The following AGAP1 variants were observed in gnomAD, a reference collection of about 807,000 sequenced individuals.
AGAP1 encodes the protein ArfGAP with GTPase domain, ankyrin repeat and PH domain 1.
In AGAP1, 29 loss-of-function variants were observed where a neutral mutation model predicts 105.3. The ratio of observed to expected loss-of-function variants is 0.28; its 90% CI spans 0.21 to 0.38. The LOEUF is 0.38. Among genes scored for constraint, AGAP1 ranks in the 10% least tolerant of loss-of-function variants. The probability of loss-of-function intolerance (pLI) is 1.00; values close to 1 mark genes in which losing one functional copy is unlikely to be tolerated. For synonymous variants in AGAP1, 509 were observed against 485.9 expected, an observed-to-expected ratio of 1.05 and a Z score of -0.63; for missense variants, 998 against 1,165.1, an observed-to-expected ratio of 0.86 and a Z score of 2.09.
At position 235,728,452 on chromosome 2, in the gene AGAP1, A is replaced by G. The variant is rs1311219477; in HGVS notation, c.310+10808A>G. Among the ~76,000 whole-genome samples, 1 of 152,150 alleles carries G rather than the reference A, an allele frequency of 6.6e-6. No individual in the cohort carries two copies. Among genetic ancestry groups the G allele is most frequent in the East Asian group, 1.9e-4 (1 of 5,176 alleles). On this transcript the variant is annotated intron_variant, in intron 3 of 17. Coordinates refer to ENST00000304032, the MANE Select transcript of AGAP1 (RefSeq NM_001037131.3). The surrounding 1 kb of genome is among the most constrained non-coding windows in gnomAD (Gnocchi z 4.3). ...CATGAATGATTGACCCAGACCAGAAATGGAAACCTGATTCAACTCACAGTG... is the reference window on the plus strand; with the variant it reads ...CATGAATGATTGACCCAGACCAGAAGTGGAAACCTGATTCAACTCACAGTG...
At position 235,517,919 on chromosome 2, in the gene AGAP1, T is replaced by G. The variant is rs1574743703; in HGVS notation, c.163+23070T>G. Among the ~76,000 whole-genome samples, 6 of 124,076 alleles carry G rather than the reference T, an allele frequency of 4.8e-5. No individual in the cohort carries two copies. The highest frequency in any genetic ancestry group is 9.8e-5 in the Admixed American group (1 of 10,242). The allele number at this position is 124,076 out of a possible 152,430, so 81.4% of individuals were successfully genotyped here. On this transcript the variant is annotated intron_variant, in intron 1 of 17. Coordinates refer to ENST00000304032, the MANE Select transcript of AGAP1 (RefSeq NM_001037131.3). The surrounding 1 kb of genome is among the most constrained non-coding windows in gnomAD (Gnocchi z 4.1). ...CTGCACTCCAGCCTGGGTGACAGAG[T>G]GAGACTCCGTTTCAAAAAAAAAAAA... is the stretch of plus-strand genomic sequence containing the variant.
rs113621223 is a variant in AGAP1 at position 236,099,181 on chromosome 2, G to A, written c.2115-21011G>A. Among the ~76,000 whole-genome samples, 11 of 152,084 alleles carry A rather than the reference G, an allele frequency of 7.2e-5. 1 individual carries two copies. Among genetic ancestry groups the A allele is most frequent in the African/African-American group, 1.9e-4 (8 of 41,498 alleles). ...AAATAGGGTGCTTGGGGCCAGGTGC[G>A]GTGGCTCACGCCTGTAATCCCAGCA... On this transcript the variant is annotated intron_variant, in intron 16 of 17. Transcript: ENST00000304032.
chr2:235,908,956 G>A lies in AGAP1; in HGVS notation c.1324+50G>A. The A allele has an allele frequency of 1.9e-6, 3 of 1,563,084 alleles. No individual in the cohort carries two copies. The highest frequency in any genetic ancestry group is 2.6e-6 in the Non-Finnish European group (3 of 1,141,398). On this transcript the variant is annotated intron_variant, in intron 11 of 17. Transcript: ENST00000304032. The surrounding 1 kb of genome is among the most constrained non-coding windows in gnomAD (Gnocchi z 4.4). The stretch of plus-strand genomic sequence containing the variant: ...CAAATCAAGTTCAACAGCAACAGGT[G>A]GTCCAGGCTCGAGGATAATGTTGGA...
rs757044393 is a variant in AGAP1 at position 235,700,629 on chromosome 2, G to A, written c.164-8550G>A. Among the ~76,000 whole-genome samples the A allele has an allele frequency of 5.9e-5, 9 of 152,098 alleles. No homozygotes were observed. Among genetic ancestry groups the A allele is most frequent in the Non-Finnish European group, 1.2e-4 (8 of 68,002 alleles). ...AGCCTGGGGAACATGGCGAAACCCC[G>A]TCTCTACTGAAAATACAAAAATTAG... is the stretch of plus-strand genomic sequence containing the variant. On this transcript the variant is annotated intron_variant, in intron 1 of 17. Coordinates refer to ENST00000304032, the MANE Select transcript of AGAP1 (RefSeq NM_001037131.3). This position sits in a 1 kb window ranked among gnomAD's most constrained non-coding sequence, Gnocchi z 6.1.
In AGAP1 at chr2:236,001,117, A is replaced by G. The variant is rs541761942; in HGVS notation, c.1645+32494A>G. 1.5e-3 allele frequency among the ~76,000 whole-genome samples: 234 copies of G among 152,258 alleles called. 1 individual carries two copies. Among genetic ancestry groups the G allele is most frequent in the South Asian group, 2.5e-3 (12 of 4,828 alleles). Reference sequence around the variant, plus strand: ...GGATGGACCCTCAGAGGCGAGACGGACGTACAGGAAACACCACATGGAGAC... The same window carrying G: ...GGATGGACCCTCAGAGGCGAGACGGGCGTACAGGAAACACCACATGGAGAC... On this transcript the variant is annotated intron_variant, in intron 13 of 17. Transcript: ENST00000304032. The surrounding 1 kb of genome is among the most constrained non-coding windows in gnomAD (Gnocchi z 4.7).
At chr2:235,576,456 C>T (rs1017522448) in intron 1 of AGAP1, among the ~76,000 whole-genome samples, 1 of 152,172 alleles carries the variant, frequency 6.6e-6, no homozygotes, top group Admixed American at 6.5e-5. Flanking sequence ...ATATTCTGGT[C>T]ACCAGGCAGG....
chr2:235,526,904 A>G (rs902732428), intron 1 of AGAP1, among the ~76,000 whole-genome samples: 5 of 152,212 alleles, frequency 3.3e-5, no homozygotes, highest in Non-Finnish European at 5.9e-5. Flanking sequence ...CCACAGATGG[A>G]ATGAAATAGT....
rs1262748785 is a variant in AGAP1 at position 235,919,853 on chromosome 2, C to T, written c.1325-10912C>T. On this transcript the variant is annotated intron_variant, in intron 11 of 17. Coordinates refer to ENST00000304032, the MANE Select transcript of AGAP1 (RefSeq NM_001037131.3). The surrounding 1 kb of genome is among the most constrained non-coding windows in gnomAD (Gnocchi z 4.1). ...TCTTCACAATGCTTACACCCCTCATCCTCGCTGTTGCATCAGCTTGTCCAT... is the reference window on the plus strand; with the variant it reads ...TCTTCACAATGCTTACACCCCTCATTCTCGCTGTTGCATCAGCTTGTCCAT... Among the ~76,000 whole-genome samples the T allele has an allele frequency of 6.6e-6, 1 of 152,198 alleles. No homozygotes were observed. The highest frequency in any genetic ancestry group is 2.4e-5 in the African/African-American group (1 of 41,454).
intron 10 of AGAP1, among the ~76,000 whole-genome samples, chr2:235,884,137 C>T (rs1372867175): frequency 1.3e-5 from 2 of 152,196 alleles, no homozygotes; most frequent in African/African-American, 2.4e-5. Flanking sequence ...CATTCCATAA[C>T]TCTTACTTGA....
chr2:235,735,886 G>A (rs1245086620), intron 3 of AGAP1, among the ~76,000 whole-genome samples: 1 of 152,004 alleles, frequency 6.6e-6, no homozygotes, highest in Non-Finnish European at 1.5e-5. Flanking sequence ...ACAAGAAGAT[G>A]GGACCGCTGT....
chr2:235,880,387 C>G (rs142259640), intron 9 of AGAP1, among the ~76,000 whole-genome samples: 174 of 152,110 alleles, frequency 1.1e-3, no homozygotes, highest in Admixed American at 2.4e-3. Context: ...AAGCCTGGAG[C>G]ATCTGTAATC....
rs893005593 is a variant in AGAP1 at position 235,747,470 on chromosome 2, G to A, written c.538+2631G>A. 2.0e-4 allele frequency among the ~76,000 whole-genome samples: 31 copies of A among 151,828 alleles called. No homozygotes were observed. The highest frequency in any genetic ancestry group is 3.1e-4 in the Non-Finnish European group (21 of 67,990). On this transcript the variant is annotated intron_variant, in intron 5 of 17. Transcript: ENST00000304032. The surrounding 1 kb of genome is among the most constrained non-coding windows in gnomAD (Gnocchi z 5.0). ...GGGTGAACAGGTAAGCTGGCCCCAC[G>A]CCCTCCCGGGGTGAGCAGGTAAGCG...
intron 13 of AGAP1, among the ~76,000 whole-genome samples, chr2:236,008,614 C>A (rs1463897858): frequency 6.6e-6 from 1 of 152,188 alleles, no homozygotes; most frequent in Non-Finnish European, 1.5e-5. Flanking sequence ...AAGGGAAAAC[C>A]AACTCTCTAC....
At chr2:235,668,212 C>T (rs974322282) in intron 1 of AGAP1, among the ~76,000 whole-genome samples, 6 of 152,154 alleles carry the variant, frequency 3.9e-5, no homozygotes, top group Non-Finnish European at 8.8e-5. Flanking sequence ...AATCACCTAG[C>T]AGTCACTCTG....
intron 1 of AGAP1, among the ~76,000 whole-genome samples, chr2:235,694,334 C>T (rs1949891933): frequency 6.6e-6 from 1 of 151,998 alleles, no homozygotes; most frequent in South Asian, 2.1e-4. Context: ...AAAAAGTTAG[C>T]TGGGCGTGGT....
At chr2:236,034,460 TG>T (rs2057319709) in intron 13 of AGAP1, among the ~76,000 whole-genome samples, 1 of 151,722 alleles carries the variant, frequency 6.6e-6, no homozygotes, top group Non-Finnish European at 1.5e-5. Context: ...GTGGCGGGGG[TG>T]GGGTGGTCAT....
At position 235,712,342 on chromosome 2, in the gene AGAP1, G is replaced by A. The variant is rs1306141865; in HGVS notation, c.222+3105G>A. Among the ~76,000 whole-genome samples, 1 of 152,236 alleles carries A rather than the reference G, an allele frequency of 6.6e-6. No individual in the cohort carries two copies. The highest frequency in any genetic ancestry group is 1.5e-5 in the Non-Finnish European group (1 of 68,044). On this transcript the variant is annotated intron_variant, in intron 2 of 17. Coordinates refer to ENST00000304032, the MANE Select transcript of AGAP1 (RefSeq NM_001037131.3). This position sits in a 1 kb window ranked among gnomAD's most constrained non-coding sequence, Gnocchi z 6.0. ...CTGATGTTTTCTGAAGTTGTGCTGT[G>A]GTCAGATCGTCCATGACCAGTTGCT...
chr2:235,546,510 G>A (rs554658200), intron 1 of AGAP1, among the ~76,000 whole-genome samples: 1 of 152,306 alleles, frequency 6.6e-6, no homozygotes, highest in South Asian at 2.1e-4. Context: ...CCGCATGTCT[G>A]TCACAGATCT....
At chr2:235,709,315 A>ATGACCAGTTGC in intron 2 of AGAP1, 78 bp downstream of exon 2, 2 of 1,503,826 alleles carry the variant, frequency 1.3e-6, no homozygotes, top group Non-Finnish European at 1.8e-6. Flanking sequence ...TTCCCAGGCA[A>ATGACCAGTTGC]CTGGTCATCG....
Sources: gnomAD v4.1 joint callset for allele counts (sites outside exome capture counted in the v4.1 genomes callset) on GRCh38, gnomAD v4.1.1 for gene constraint, Gnocchi (gnomAD v3.1) non-coding constraint, MANE v1.5 for transcripts, NCBI Gene and HGNC (gene_info 2026-07-23, HGNC 2026-07-21) for gene names.